DZIP3: variants seen among roughly 807,000 people sequenced by gnomAD.
DZIP3 encodes DAZ interacting zinc finger protein 3.
A neutral mutation model predicts 162.0 loss-of-function variants in DZIP3; 118 were observed. The ratio of observed to expected loss-of-function variants is 0.73; its 90% CI spans 0.63 to 0.85. The LOEUF (loss-of-function observed/expected upper bound fraction) is 0.85, where lower values mean the gene tolerates loss of function less well. DZIP3 is among the 40% of genes least tolerant of loss of function. DZIP3 has a pLI of 0.00. For missense variants in DZIP3, 1,331 were observed against 1,407.0 expected (o/e 0.95, Z 0.86); for synonymous variants, 438 against 458.6 (o/e 0.96, Z 0.57).
At position 108,672,663 on chromosome 3, in the gene DZIP3, A is replaced by G. The variant is rs548051564; in HGVS notation, c.2589+7A>G. ...CAGAGCTTTAACAGCCGAGGTAACA[A>G]CAAAACGGGGACAGGGGTATGGGGT... On this transcript the variant is annotated splice_region_variant and intron_variant, in intron 23 of 32. Transcript: ENST00000361582. 8 of 1,609,150 alleles carry G rather than the reference A, an allele frequency of 5.0e-6. No individual in the cohort carries two copies. The African/African-American group carries it at 8.0e-5, about 16-fold the overall frequency.
chr3:108,655,166 C>A (rs893178960), intron 19 of DZIP3, among the ~76,000 whole-genome samples: 2 of 152,094 alleles, frequency 1.3e-5, no homozygotes, highest in African/African-American at 4.8e-5. Flanking sequence ...ATTAAAATGA[C>A]ACATACCTTT....
At chr3:108,631,051 A>ACTCTCTCTCTCTCTCTCTCTCT (rs1431834911) in intron 8 of DZIP3, among the ~76,000 whole-genome samples, 2 of 42,026 alleles carry the variant, frequency 4.8e-5, no homozygotes, top group African/African-American at 1.1e-4. Flanking sequence ...ACACACACAC[A>ACTCTCTCTCTCTCTCTCTCTCT]CACACTCTCT....
At chr3:108,669,271 G>C (rs575531217) in intron 21 of DZIP3, among the ~76,000 whole-genome samples, 1 of 151,902 alleles carries the variant, frequency 6.6e-6, no homozygotes, top group South Asian at 2.1e-4. Flanking sequence ...TAATTTGCAT[G>C]ACTTGATATA....
chr3:108,661,873 A>G lies in DZIP3; in HGVS notation c.2200-4A>G, dbSNP rs376561317. On this transcript the variant is annotated splice_polypyrimidine_tract_variant and splice_region_variant and intron_variant, in intron 19 of 32. Coordinates refer to ENST00000361582, the MANE Select transcript of DZIP3 (RefSeq NM_014648.4). ...AATACATGCATATTTCCTGTGCTCA[A>G]TAGGGCTCAGCTGGCAAAGTAACTA... 33 of 1,612,260 alleles carry G rather than the reference A, an allele frequency of 2.0e-5. No individual in the cohort carries two copies. The highest frequency in any genetic ancestry group is 3.3e-5 in the South Asian group (3 of 90,874).
chr3:108,629,134 C>T lies in DZIP3; in HGVS notation c.654C>T (p.Asp218=), dbSNP rs773444852. 2.5e-6 allele frequency: 4 copies of T among 1,600,124 alleles called. No homozygotes were observed. Among genetic ancestry groups the T allele is most frequent in the East Asian group, 4.5e-5 (2 of 44,352 alleles). ...EIGDKNDHWF[D]IDPTEDEDLP... ...GAGACAAAAATGACCATTGGTTTGA[C>T]ATAGATCCTACAGAAGATGAAGATT... The change falls in exon 8 of 33, where the codon GAC becomes GAT. Residue 218 remains aspartate, a synonymous_variant. Coordinates refer to ENST00000361582, the MANE Select transcript of DZIP3 (RefSeq NM_014648.4).
chr3:108,675,995 A>C, intron 25 of DZIP3, 122 bp downstream of exon 25: 2 of 818,840 alleles, frequency 2.4e-6, no homozygotes, highest in South Asian at 3.3e-5. Flanking sequence ...ATAAAAGTTT[A>C]TGCCTTCACT....
At chr3:108,648,889 T>C (rs1378970365) in intron 16 of DZIP3, 29 bp from the exon 17 acceptor site, 1 of 1,099,378 alleles carries the variant, frequency 9.1e-7, no homozygotes, top group Non-Finnish European at 1.2e-6. Flanking sequence ...TTGAATTACA[T>C]ATTTAATAAA....
chr3:108,657,465 GC>G (rs1283940557), intron 19 of DZIP3, among the ~76,000 whole-genome samples: 6 of 152,266 alleles, frequency 3.9e-5, no homozygotes, highest in Non-Finnish European at 5.9e-5. Flanking sequence ...CACCAGGCCT[GC>G]CCTAAAAGAG....
chr3:108,692,113 G>GT (rs950152294), intron 32 of DZIP3, among the ~76,000 whole-genome samples: 1 of 151,934 alleles, frequency 6.6e-6, no homozygotes, highest in Non-Finnish European at 1.5e-5. Context: ...AGAGGAAAAA[G>GT]TTTTTTCTCC....
chr3:108,631,055 A>ACACATACACTCTCTCTCT, intron 8 of DZIP3, among the ~76,000 whole-genome samples: 7 of 18,006 alleles, frequency 3.9e-4, no homozygotes, highest in African/African-American at 8.5e-4. Flanking sequence ...ACACACACAC[A>ACACATACACTCTCTCTCT]CTCTCTCTCT....
chr3:108,607,994 T>C (rs1940474935), intron 2 of DZIP3, 95 bp from the exon 3 acceptor site: 1 of 1,114,176 alleles, frequency 9.0e-7, no homozygotes, highest in East Asian at 2.4e-5. Flanking sequence ...GGTTACACTT[T>C]CAGACAATAA....
At chr3:108,629,869 A>G (rs1489732302) in intron 8 of DZIP3, among the ~76,000 whole-genome samples, 1 of 151,674 alleles carries the variant, frequency 6.6e-6, no homozygotes, top group Non-Finnish European at 1.5e-5. Context: ...ATACAATGCG[A>G]TTTTGGCATA....
At chr3:108,631,055 A>ACACACGCACACATACACTCTCTCTCT in intron 8 of DZIP3, among the ~76,000 whole-genome samples, 1 of 18,006 alleles carries the variant, frequency 5.6e-5, no homozygotes, top group East Asian at 2.5e-3. Context: ...ACACACACAC[A>ACACACGCACACATACACTCTCTCTCT]CTCTCTCTCT....
intron 14 of DZIP3, 65 bp downstream of exon 14, chr3:108,644,846 G>A: frequency 6.7e-7 from 1 of 1,482,480 alleles, no homozygotes; most frequent in Non-Finnish European, 9.2e-7. Flanking sequence ...TCTGTGCCAG[G>A]CACAGTGCAA....
chr3:108,671,920 C>T (rs1358569673), intron 22 of DZIP3, among the ~76,000 whole-genome samples: 1 of 151,856 alleles, frequency 6.6e-6, no homozygotes, highest in African/African-American at 2.4e-5. Context: ...GGTTGAACTG[C>T]TCTGTCAAAA....
intron 24 of DZIP3, among the ~76,000 whole-genome samples, chr3:108,675,107 G>A (rs909364866): frequency 6.6e-5 from 10 of 151,910 alleles, no homozygotes; most frequent in African/African-American, 2.2e-4. Context: ...TGATACTGGC[G>A]TGGGATGTTA....
Position 108,613,755 on chromosome 3 carries a change from A to G in DZIP3, c.258+2426A>G, listed in dbSNP as rs183934453. Among the ~76,000 whole-genome samples, 8 of 152,296 alleles carry G rather than the reference A, an allele frequency of 5.3e-5. No homozygotes were observed. In the East Asian group the frequency reaches 1.5e-3, roughly 29 times the overall value. On this transcript the variant is annotated intron_variant, in intron 4 of 32. Transcript: ENST00000361582. ...TATGCTAGGTCACAAAGCAAGCCCC[A>G]TCAGATTTCAGAGTATCAAAATATA...
chr3:108,646,573 G>C (rs766554645), intron 14 of DZIP3, 44 bp from the exon 15 acceptor site: 2 of 1,359,612 alleles, frequency 1.5e-6, no homozygotes, highest in Admixed American at 3.5e-5. Flanking sequence ...TTCATTTGTT[G>C]CGTTTGCAAT....
intron 1 of DZIP3, among the ~76,000 whole-genome samples, chr3:108,600,730 G>A (rs999949762): frequency 3.9e-5 from 6 of 152,112 alleles, no homozygotes; most frequent in Admixed American, 2.0e-4. Context: ...CTTACTACGT[G>A]CCAGGTACTA....
Sources: gnomAD v4.1 joint callset for allele counts (sites outside exome capture counted in the v4.1 genomes callset) on GRCh38, gnomAD v4.1.1 for gene constraint, MANE v1.5 for transcripts, NCBI Gene and HGNC (gene_info 2026-07-23, HGNC 2026-07-21) for gene names.